KCTD21: variants seen among roughly 807,000 people sequenced by gnomAD.
KCTD21 encodes the protein BTB/POZ domain-containing protein KCTD21.
A neutral mutation model predicts 13.2 loss-of-function variants in KCTD21; 9 were observed. That is an observed-to-expected ratio of 0.68 (90% CI 0.41 to 1.19). The LOEUF (loss-of-function observed/expected upper bound fraction) is 1.19, where lower values mean the gene tolerates loss of function less well. KCTD21 is among the 50% of genes most tolerant of loss of function. The pLI, the probability that KCTD21 is intolerant of heterozygous loss-of-function variation, is 0.01. For synonymous variants in KCTD21, 142 were observed against 137.4 expected (o/e 1.03, Z -0.23); for missense variants, 303 against 336.5 (o/e 0.90, Z 0.78).
At chr11:78,182,303 C>A (rs944356356) in intron 1 of KCTD21, among the ~76,000 whole-genome samples, 1 of 142,430 alleles carries the variant, frequency 7.0e-6, no homozygotes, top group Admixed American at 6.8e-5. Flanking sequence ...AAGCACCCCC[C>A]CCCCCTCAAA....
chr11:78,187,905 T>C, intron 1 of KCTD21: 2 of 985,384 alleles, frequency 2.0e-6, no homozygotes, highest in South Asian at 9.4e-5. Context: ...GGCAAGTCCC[T>C]TCGCTTTTCT....
At chr11:78,184,417 A>C (rs376429892) in intron 1 of KCTD21, among the ~76,000 whole-genome samples, 140 of 147,990 alleles carry the variant, frequency 9.5e-4, no homozygotes, top group Middle Eastern at 3.9e-3. Flanking sequence ...GCTCACTGCA[A>C]CCTCCACCTC....
chr11:78,180,258 G>C (rs1037215432), intron 1 of KCTD21, among the ~76,000 whole-genome samples: 3 of 152,106 alleles, frequency 2.0e-5, no homozygotes, highest in Admixed American at 6.5e-5. Context: ...GAAAATGAAA[G>C]AATAAGACAC....
chr11:78,186,608 A>C, intron 1 of KCTD21: 4 of 696,104 alleles, frequency 5.7e-6, no homozygotes, highest in Non-Finnish European at 7.1e-6. Flanking sequence ...AGCAGTTACT[A>C]CCGTGCTAGG....
chr11:78,177,206 T>C (rs371895043), intron 1 of KCTD21, among the ~76,000 whole-genome samples: 103 of 152,306 alleles, frequency 6.8e-4, no homozygotes, highest in African/African-American at 2.4e-3. Flanking sequence ...GTGTGAGAGA[T>C]ATTCAGCTGC....
chr11:78,175,885 C>A (rs1056942746), intron 1 of KCTD21, among the ~76,000 whole-genome samples: 5 of 148,976 alleles, frequency 3.4e-5, no homozygotes, highest in African/African-American at 1.2e-4. Flanking sequence ...CCTCTCCCCT[C>A]CCCCTACCCC....
chr11:78,186,973 A>C, intron 1 of KCTD21: 1 of 985,464 alleles, frequency 1.0e-6, no homozygotes. Flanking sequence ...GTTTAGTCAG[A>C]TCCATTTTCC....
chr11:78,187,791 TC>T, intron 1 of KCTD21: 2 of 985,398 alleles, frequency 2.0e-6, no homozygotes, highest in Non-Finnish European at 2.4e-6. Context: ...GGTCGGGGCA[TC>T]AAAACTTTTC....
rs1334556898 is a variant in KCTD21 at position 78,172,993 on chromosome 11, G to A, written c.*779C>T. 6.6e-6 allele frequency: 1 copy of A among 152,588 alleles called. No individual in the cohort carries two copies. The highest frequency in any genetic ancestry group is 1.5e-5 in the Non-Finnish European group (1 of 68,030). 9.5% of individuals were successfully genotyped at this position (152,588 alleles called of 1,614,324 possible). On this transcript the variant is annotated 3_prime_UTR_variant, in exon 2 of 2. Transcript: ENST00000340067. The stretch of plus-strand genomic sequence containing the variant: ...TTTCAATGATACCTCAAATTTTTGG[G>A]AAAACAATGACAAAAGTCAGGTAAC...
chr11:78,182,749 T>C (rs1862667117), intron 1 of KCTD21, among the ~76,000 whole-genome samples: 1 of 152,094 alleles, frequency 6.6e-6, no homozygotes, highest in African/African-American at 2.4e-5. Context: ...TTGGACACCC[T>C]TCAGAGAACC....
In KCTD21 at chr11:78,173,685, G is replaced by T; in HGVS notation, c.*87C>A. The T allele has an allele frequency of 9.2e-7, 1 of 1,081,162 alleles. No individual in the cohort carries two copies. The highest frequency in any genetic ancestry group is 1.4e-6 in the Non-Finnish European group (1 of 734,180). 67.0% of individuals were successfully genotyped at this position (1,081,162 alleles called of 1,614,324 possible). A position where few individuals can be genotyped will look rare whatever the true frequency, so the allele number is the denominator to read the frequency against. On this transcript the variant is annotated 3_prime_UTR_variant, in exon 2 of 2. Coordinates refer to ENST00000340067, the MANE Select transcript of KCTD21 (RefSeq NM_001029859.3). ...TTAATACAGATTAGTATAGTCCCCT[G>T]CCTCGCACCACTGGCGAGATGCCCT... is the stretch of plus-strand genomic sequence containing the variant.
chr11:78,176,826 T>TCAACAACAACAACAA (rs1304369356), intron 1 of KCTD21: 3 of 98,164 alleles, frequency 3.1e-5, no homozygotes, highest in African/African-American at 1.0e-4. Context: ...AAATCCTGTC[T>TCAACAACAACAACAA]CTACAACAAC....
At chr11:78,187,484 CG>C (rs1296726152) in intron 1 of KCTD21, 5 of 985,390 alleles carry the variant, frequency 5.1e-6, no homozygotes, top group Non-Finnish European at 6.0e-6. Context: ...GAATCTGGCA[CG>C]GCAAGGTATT....
Position 78,180,267 on chromosome 11 carries a change from A to G in KCTD21, c.-29-5684T>C, listed in dbSNP as rs140505858. Among the ~76,000 whole-genome samples, 337 of 152,348 alleles carry G rather than the reference A, an allele frequency of 2.2e-3. 1 individual carries two copies. Among genetic ancestry groups the G allele is most frequent in the African/African-American group, 7.8e-3 (325 of 41,576 alleles). On this transcript the variant is annotated intron_variant, in intron 1 of 1. Coordinates refer to ENST00000340067, the MANE Select transcript of KCTD21 (RefSeq NM_001029859.3). Reference sequence around the variant, plus strand: ...TGTTAAGAAAATGAAAGAATAAGACACAGATGGAGAAAATATTTGCAAAAC... The same window carrying G: ...TGTTAAGAAAATGAAAGAATAAGACGCAGATGGAGAAAATATTTGCAAAAC...
chr11:78,188,022 C>T, intron 1 of KCTD21: 1 of 985,446 alleles, frequency 1.0e-6, no homozygotes, highest in Non-Finnish European at 1.2e-6. Flanking sequence ...CGGGGATGGA[C>T]TCTTTATTTC....
chr11:78,174,060 G>A lies in KCTD21; in HGVS notation c.495C>T (p.Tyr165=). The change falls in exon 2 of 2, where the codon TAC becomes TAT. Residue 165 remains tyrosine (Y), a synonymous_variant. Transcript: ENST00000340067. ...TGGAGGAGAGATTGCCATTGGAGCA[G>A]TAGAAGAGCTTAGAGCCAAGGAGCT... ...FLKLLGSKLF[Y]CSNGNLSSIT... is the part of the protein sequence containing the mutation. 2.5e-6 allele frequency: 4 copies of A among 1,614,178 alleles called. No homozygotes were observed. The highest frequency in any genetic ancestry group is 2.5e-6 in the Non-Finnish European group (3 of 1,180,028).
chr11:78,180,711 A>G (rs1479205678), intron 1 of KCTD21, among the ~76,000 whole-genome samples: 3 of 152,230 alleles, frequency 2.0e-5, no homozygotes, highest in African/African-American at 7.2e-5. Context: ...TACATAGAAC[A>G]ATGGAAACCT....
intron 1 of KCTD21, among the ~76,000 whole-genome samples, chr11:78,179,018 C>T (rs539294280): frequency 9.0e-4 from 137 of 152,202 alleles, no homozygotes; most frequent in South Asian, 3.1e-3. Context: ...CTAAATCCTT[C>T]GTCCAGATAA....
At chr11:78,184,761 T>TTTTA (rs1555082875) in intron 1 of KCTD21, among the ~76,000 whole-genome samples, 1 of 110,388 alleles carries the variant, frequency 9.1e-6, no homozygotes, top group Non-Finnish European at 1.9e-5. Context: ...AGAATTTTTT[T>TTTTA]TTTCTTGAGA....
Sources: gnomAD v4.1 joint callset for allele counts (sites outside exome capture counted in the v4.1 genomes callset) on GRCh38, gnomAD v4.1.1 for gene constraint, MANE v1.5 for transcripts, NCBI Gene and HGNC (gene_info 2026-07-23, HGNC 2026-07-21) for gene names.